Variants in ANK1 observed in about 807,000 individuals in gnomAD.
ANK1 encodes the protein ankyrin 1, also known as ankyrin-1.
Under a neutral mutation model 210.4 loss-of-function variants are expected in ANK1, and 51 were observed. The observed-to-expected ratio is 0.24, with a 90% CI of 0.19 to 0.31. ANK1 has a LOEUF of 0.31. Among genes scored for constraint, ANK1 ranks in the 10% least tolerant of loss-of-function variants. ANK1 has a pLI of 1.00. For synonymous variants in ANK1, 967 were observed against 1,025.9 expected (o/e 0.94, Z 1.10); for missense variants, 2,051 against 2,504.4 (o/e 0.82, Z 3.86).
At chr8:41,723,740 A>T in intron 7 of ANK1, 107 bp from the exon 8 acceptor site, 2 of 858,654 alleles carry the variant, frequency 2.3e-6, no homozygotes, top group Non-Finnish European at 3.8e-6. Flanking sequence ...GGCCTGCAAC[A>T]GCGTTGTCAG....
chr8:41,730,543 T>G (rs1292595597), intron 3 of ANK1, among the ~76,000 whole-genome samples: 1 of 152,184 alleles, frequency 6.6e-6, no homozygotes, highest in Non-Finnish European at 1.5e-5. Context: ...TGAAGTTGTC[T>G]TTTTGATTTC....
chr8:41,696,880 C>T (rs990107286), intron 24 of ANK1, 107 bp from the exon 25 acceptor site: 3 of 1,104,428 alleles, frequency 2.7e-6, no homozygotes, highest in African/African-American at 1.5e-5. Context: ...AACCAGGTGC[C>T]ACGTGGAGAA....
intron 38 of ANK1, among the ~76,000 whole-genome samples, chr8:41,670,128 TTC>T (rs1178169731): frequency 6.6e-6 from 1 of 152,016 alleles, no homozygotes. Context: ...TATCTAGAAT[TTC>T]TGTTTTAATG....
chr8:41,683,622 G>A (rs889159113), intron 37 of ANK1, among the ~76,000 whole-genome samples: 9 of 152,240 alleles, frequency 5.9e-5, no homozygotes, highest in Non-Finnish European at 1.3e-4. Flanking sequence ...CACAGACATG[G>A]AAATTTTGTT....
intron 1 of ANK1, among the ~76,000 whole-genome samples, chr8:41,805,631 T>C (rs1490284953): frequency 6.6e-6 from 1 of 152,226 alleles, no homozygotes; most frequent in African/African-American, 2.4e-5. Context: ...TAAAACTATG[T>C]ATATATTAAT....
intron 1 of ANK1, among the ~76,000 whole-genome samples, chr8:41,823,602 T>C (rs892433825): frequency 1.3e-5 from 2 of 149,790 alleles, no homozygotes; most frequent in Non-Finnish European, 3.0e-5. Flanking sequence ...CTACAAAAAC[T>C]GAAAAAAAAA....
chr8:41,668,366 C>T lies in ANK1; in HGVS notation c.5295G>A (p.Gln1765=). Residue 1765 remains glutamine, a synonymous_variant, in exon 39 of 43, where the codon CAG becomes CAA. Coordinates refer to ENST00000289734, the MANE Select transcript of ANK1 (RefSeq NM_000037.4). ...CGGCCTGGGAGCTCTCAGCCTCGGG[C>T]TGTTCTGTCCACGTGTGCTCACTTA... ...VSVSEHTWTE[Q]PEAESSQADR... 6.2e-7 allele frequency: 1 copy of T among 1,614,226 alleles called. No individual in the cohort carries two copies. Among genetic ancestry groups the T allele is most frequent in the African/African-American group, 1.3e-5 (1 of 75,056 alleles).
At chr8:41,724,591 T>G in intron 6 of ANK1, 37 bp from the exon 7 acceptor site, 2 of 1,539,362 alleles carry the variant, frequency 1.3e-6, no homozygotes, top group Non-Finnish European at 1.8e-6. Context: ...TTGTTATATG[T>G]GATTTACTTC....
Position 41,708,806 on chromosome 8 carries a change from T to C in ANK1, c.1970A>G (p.Lys657Arg). 2 of 1,614,028 alleles carry C rather than the reference T, an allele frequency of 1.2e-6. No homozygotes were observed. The highest frequency in any genetic ancestry group is 8.5e-7 in the Non-Finnish European group (1 of 1,180,032). The change falls in exon 17 of 43, where the codon AAA becomes AGA. Residue 657 changes from lysine (K) to arginine (R), a missense_variant. Lys to Arg is a conservative substitution (Grantham distance 26). Coordinates refer to ENST00000289734, the MANE Select transcript of ANK1 (RefSeq NM_000037.4). ...GTTCCCCAGGTTGCCATTGGCTTGT[T>C]TCGAGAGCAGCAGAGCCACCATCTC... is the stretch of plus-strand genomic sequence containing the variant. ...HAEMVALLLS[K>R]QANGNLGNKS... is the part of the protein sequence containing the mutation.
rs115936582 is a variant in ANK1, at chr8:41,840,843, C to A, written c.126+55512G>T. On this transcript the variant is annotated intron_variant, in intron 1 of 42. Coordinates refer to the ANK1 transcript ENST00000265709. Reference sequence around the variant, plus strand: ...CAAGAAAAGAGTGGCCCGCTTGAAACGTCGGTAATCCTTCCTTTCACCTCA... The same window carrying A: ...CAAGAAAAGAGTGGCCCGCTTGAAAAGTCGGTAATCCTTCCTTTCACCTCA... 7.1e-3 allele frequency among the ~76,000 whole-genome samples: 1,082 copies of A among 152,274 alleles called. 16 individuals carry two copies. Among genetic ancestry groups the A allele is most frequent in the African/African-American group, 0.025 (1,042 of 41,556 alleles).
chr8:41,868,098 A>G (rs2150823099), intron 1 of ANK1, among the ~76,000 whole-genome samples: 1 of 152,326 alleles, frequency 6.6e-6, no homozygotes, highest in East Asian at 1.9e-4. Context: ...ACTTCAGGTG[A>G]TCCACCAGCC....
chr8:41,858,726 C>A (rs1378499174), intron 1 of ANK1, among the ~76,000 whole-genome samples: 1 of 152,212 alleles, frequency 6.6e-6, no homozygotes, highest in Admixed American at 6.5e-5. Context: ...CTAGAAAAAA[C>A]AAAACAAAAC....
At chr8:41,706,421 C>T (rs1563503659) in intron 17 of ANK1, among the ~76,000 whole-genome samples, 180 bp from the exon 18 acceptor site, 1 of 152,212 alleles carries the variant, frequency 6.6e-6, no homozygotes, top group Non-Finnish European at 1.5e-5. Context: ...AAGGTGGTTA[C>T]ACTAGACCAG....
intron 36 of ANK1, among the ~76,000 whole-genome samples, chr8:41,684,991 T>C (rs989625825): frequency 6.6e-6 from 1 of 152,032 alleles, no homozygotes; most frequent in Non-Finnish European, 1.5e-5. Context: ...TGGAGTGCAA[T>C]GGGGCAATCT....
chr8:41,763,331 A>C lies in ANK1; in HGVS notation c.28-5194T>G, dbSNP rs116210142. On this transcript the variant is annotated intron_variant, in intron 1 of 42. Coordinates refer to ENST00000289734, the MANE Select transcript of ANK1 (RefSeq NM_000037.4). ...CTGTTGTTGCCATAATAGAATACTAAAATTATAATACCAACCATTGGGACA... is the reference window on the plus strand; with the variant it reads ...CTGTTGTTGCCATAATAGAATACTACAATTATAATACCAACCATTGGGACA... Among the ~76,000 whole-genome samples the C allele has an allele frequency of 2.9e-3, 444 of 152,296 alleles. 3 individuals are homozygous for C. The highest frequency in any genetic ancestry group is 9.9e-3 in the African/African-American group (413 of 41,556).
intron 1 of ANK1, among the ~76,000 whole-genome samples, chr8:41,890,224 A>G (rs190552216): frequency 6.6e-6 from 1 of 152,364 alleles, no homozygotes; most frequent in African/African-American, 2.4e-5. Flanking sequence ...TACAGATGAG[A>G]AAACTGAGGC....
At chr8:41,819,549 C>T (rs1381933506) in intron 1 of ANK1, among the ~76,000 whole-genome samples, 1 of 152,232 alleles carries the variant, frequency 6.6e-6, no homozygotes, top group Non-Finnish European at 1.5e-5. Context: ...AGGCACCAGC[C>T]TGTCAATCTA....
intron 1 of ANK1, among the ~76,000 whole-genome samples, chr8:41,846,697 A>C (rs1358122203): frequency 6.6e-6 from 1 of 152,174 alleles, no homozygotes; most frequent in Admixed American, 6.5e-5. Context: ...CATGGATTCT[A>C]TTGTAACTAG....
In ANK1 at chr8:41,694,065, A is replaced by T; in HGVS notation, c.3365T>A (p.Leu1122Gln). The change falls in exon 29 of 43, where the codon CTG becomes CAG. Residue 1122 changes from leucine (L) to glutamine (Q), a missense_variant. Leu to Gln is a moderately radical substitution (Grantham distance 113, BLOSUM62 -2). Transcript: ENST00000289734. The surrounding 1 kb of genome is among the most constrained non-coding windows in gnomAD (Gnocchi z 5.7). The part of the protein sequence containing the change: ...PVPDELVTKL[L>Q]GNQATFSPIV... ...GGGGCTGAATGTGGCCTGGTTGCCC[A>T]GGAGCTTAGTGACAAGCTCATCCGG... The T allele has an allele frequency of 6.2e-7, 1 of 1,613,994 alleles. No homozygotes were observed. Among genetic ancestry groups the T allele is most frequent in the Non-Finnish European group, 8.5e-7 (1 of 1,179,954 alleles).
Sources: gnomAD v4.1 joint callset for allele counts (sites outside exome capture counted in the v4.1 genomes callset) on GRCh38, gnomAD v4.1.1 for gene constraint, Gnocchi (gnomAD v3.1) non-coding constraint, MANE v1.5 for transcripts, NCBI Gene and HGNC (gene_info 2026-07-23, HGNC 2026-07-21) for gene names.